The following KMT2D variants were observed in gnomAD, a reference collection of about 807,000 sequenced individuals.
KMT2D encodes lysine methyltransferase 2D.
A neutral mutation model predicts 512.7 loss-of-function variants in KMT2D; 55 were observed. The ratio of observed to expected loss-of-function variants is 0.11; its 90% CI spans 0.09 to 0.13. The LOEUF is 0.13. KMT2D is among the 10% of genes least tolerant of loss of function. The pLI, the probability that KMT2D is intolerant of heterozygous loss-of-function variation, is 1.00. For synonymous variants in KMT2D, 2,995 were observed against 2,904.0 expected (o/e 1.03, Z -1.01); for missense variants, 6,061 against 7,127.9 (o/e 0.85, Z 5.39).
Position 49,031,269 on chromosome 12 carries a change from C to G in KMT2D, c.13436G>C (p.Gly4479Ala). The G allele has an allele frequency of 6.2e-7, 1 of 1,613,440 alleles. No homozygotes were observed. Among genetic ancestry groups the G allele is most frequent in the Non-Finnish European group, 8.5e-7 (1 of 1,179,876 alleles). ...GATCTCAGCTCGCAGCCCCTCGGAC[C>G]CCCGCCCAGTGCTGAGTTGCACATT... ...AKNVQLSTGR[G>A]SEGLRAEING... Residue 4479 changes from glycine to alanine, a missense_variant, in exon 40 of 55, where the codon GGG becomes GCG. Physicochemically the swap from Gly to Ala is moderately conservative, Grantham distance 60 (BLOSUM62 0). Coordinates refer to ENST00000301067, the MANE Select transcript of KMT2D (RefSeq NM_003482.4).
In KMT2D at chr12:49,021,889, G is replaced by A; in HGVS notation, c.16522-17C>T. The A allele has an allele frequency of 1.2e-6, 2 of 1,608,058 alleles. No homozygotes were observed. The highest frequency in any genetic ancestry group is 1.7e-6 in the Non-Finnish European group (2 of 1,174,472). On this transcript the variant is annotated splice_polypyrimidine_tract_variant and intron_variant, in intron 54 of 54. Coordinates refer to ENST00000301067, the MANE Select transcript of KMT2D (RefSeq NM_003482.4). ...ATAGGTTAGCTGAAAAGAGAAGAGG[G>A]CAGAATCAATGCTAGTCCCCCACAG...
rs2120437757 is a variant in KMT2D, at chr12:49,033,011, C to T, written c.11694G>A (p.Gln3898=). The T allele has an allele frequency of 6.4e-7, 1 of 1,551,420 alleles. No individual in the cohort carries two copies. Among genetic ancestry groups the T allele is most frequent in the Admixed American group, 2.0e-5 (1 of 51,006 alleles). ...GCAGCTGCTGCTGCTGCTGAAGCTGCTGTAAAGAGCCCATGGGCTGAGCGC... is the reference window on the plus strand; with the variant it reads ...GCAGCTGCTGCTGCTGCTGAAGCTGTTGTAAAGAGCCCATGGGCTGAGCGC... ...KLSAQPMGSL[Q]QLQQQQQLQQ... is the part of the protein sequence containing the mutation. The change falls in exon 40 of 55, where the codon CAG becomes CAA. Residue 3898 remains glutamine, a synonymous_variant. Coordinates refer to ENST00000301067, the MANE Select transcript of KMT2D (RefSeq NM_003482.4).
intron 35 of KMT2D, 103 bp from the exon 36 acceptor site, chr12:49,035,038 A>C: frequency 1.4e-6 from 2 of 1,415,512 alleles, no homozygotes; most frequent in Non-Finnish European, 1.9e-6. Flanking sequence ...CAGGCAGAAC[A>C]ATGGCACGGC....
chr12:49,030,465 T>A, intron 42 of KMT2D, 26 bp from the exon 43 acceptor site: 1 of 1,117,038 alleles, frequency 9.0e-7, no homozygotes, highest in South Asian at 1.3e-5. Flanking sequence ...TGGGGTGTTG[T>A]GTGCAAGATG....
In KMT2D at chr12:49,053,071, G is replaced by A. The variant is rs780376463; in HGVS notation, c.956C>T (p.Ala319Val). 40 of 1,613,894 alleles carry A rather than the reference G, an allele frequency of 2.5e-5. No homozygotes were observed. In the South Asian group the frequency reaches 3.6e-4, roughly 15 times the overall value. The change falls in exon 9 of 55, where the codon GCG becomes GTG. Residue 319 changes from alanine to valine, a missense_variant and splice_region_variant. This residue lies in a region of KMT2D where 160 missense variants were observed against 225.8 expected (regional missense o/e 0.71). Coordinates refer to ENST00000301067, the MANE Select transcript of KMT2D (RefSeq NM_003482.4). ...ELPAHSWKCK[A>V]CRVCRACGAG... The stretch of plus-strand genomic sequence containing the variant: ...CCCACAGGCCCGGCACACCCGGCAC[G>A]CCTAAGGGAAGGGAGTGGGCAAAAC...
In KMT2D at chr12:49,042,530, C is replaced by G. The variant is rs2120555983; in HGVS notation, c.5867+31G>C. On this transcript the variant is annotated intron_variant, in intron 28 of 54. Transcript: ENST00000301067. This position sits in a 1 kb window ranked among gnomAD's most constrained non-coding sequence, Gnocchi z 4.4. ...AGATGGAGGGAAAGGACAACGAGGA[C>G]TGCCCACAAAGGTTACGCAGAGACA... 6.2e-7 allele frequency: 1 copy of G among 1,607,062 alleles called. No homozygotes were observed. Among genetic ancestry groups the G allele is most frequent in the South Asian group, 1.1e-5 (1 of 90,618 alleles).
rs566282861 is a variant in KMT2D, at chr12:49,027,245, C to T, written c.14721G>A (p.Ser4907=). The T allele has an allele frequency of 7.1e-6, 11 of 1,551,720 alleles. No individual in the cohort carries two copies. The East Asian group carries it at 1.3e-4, about 19-fold the overall frequency. ...GGGAGGGTTCTTCAGGAGGTGGGGCCGAGAGCTGTCGCACATCCAGATTGG... is the reference window on the plus strand; with the variant it reads ...GGGAGGGTTCTTCAGGAGGTGGGGCTGAGAGCTGTCGCACATCCAGATTGG... ...NVSNLDVRQL[S]APPPEEPSPP... is the part of the protein sequence containing the mutation. The change falls in exon 49 of 55, where the codon TCG becomes TCA. Residue 4907 remains serine (S), a synonymous_variant. Coordinates refer to ENST00000301067, the MANE Select transcript of KMT2D (RefSeq NM_003482.4).
intron 51 of KMT2D, among the ~76,000 whole-genome samples, chr12:49,023,217 G>A (rs1942412307): frequency 1.3e-5 from 2 of 152,136 alleles, no homozygotes; most frequent in South Asian, 4.1e-4. Flanking sequence ...CCATTCTCAA[G>A]GCCATGCTCC....
In KMT2D at chr12:49,040,670, T is replaced by G. The variant is rs1384193465; in HGVS notation, c.7100A>C (p.Asp2367Ala). 6.2e-7 allele frequency: 1 copy of G among 1,613,452 alleles called. No individual in the cohort carries two copies. The highest frequency in any genetic ancestry group is 2.2e-5 in the East Asian group (1 of 44,858). ...ALAPSPPSHP[D>A]IFRPGSYTDP... ...AGTGTAGGAGCCAGGGCGAAAGATG[T>G]CTGGGTGACTTGGAGGAGAAGGTGC... Residue 2367 changes from aspartate (D) to alanine (A), a missense_variant, in exon 32 of 55, where the codon GAC (aspartate) becomes GCC (alanine). Asp to Ala is a moderately radical substitution (Grantham distance 126). Around this residue, in one of 16 missense-constraint regions of KMT2D, gnomAD observed 710 missense variants for 647.3 expected, o/e 1.10. Transcript: ENST00000301067.
At position 49,043,170 on chromosome 12, in the gene KMT2D, G is replaced by A. The variant is rs772395548; in HGVS notation, c.5550C>T (p.Gly1850=). The change falls in exon 26 of 55, where the codon GGC becomes GGT. Residue 1850 remains glycine, a synonymous_variant. Coordinates refer to ENST00000301067, the MANE Select transcript of KMT2D (RefSeq NM_003482.4). ...CACTGGGCACTGGGGATGCCTTCACGCCCCCATCCTCAGGTCCTGTAAATG... is the reference window on the plus strand; with the variant it reads ...CACTGGGCACTGGGGATGCCTTCACACCCCCATCCTCAGGTCCTGTAAATG... ...KADTPGPEDG[G]VKASPVPSDP... is the part of the protein sequence containing the mutation. The A allele has an allele frequency of 8.7e-6, 14 of 1,613,704 alleles. No homozygotes were observed. The highest frequency in any genetic ancestry group is 2.2e-5 in the East Asian group (1 of 44,886).
rs1350729975 is a variant in KMT2D at position 49,053,468 on chromosome 12, A to G, written c.839+8T>C. ...CCTAAGACTTTCCTCCTGCCCTTCCATTCCTACCTGCAGGCTTGGCACACT... is the reference window on the plus strand; with the variant it reads ...CCTAAGACTTTCCTCCTGCCCTTCCGTTCCTACCTGCAGGCTTGGCACACT... On this transcript the variant is annotated splice_region_variant and intron_variant, in intron 7 of 54. Coordinates refer to ENST00000301067, the MANE Select transcript of KMT2D (RefSeq NM_003482.4). 1 of 1,611,258 alleles carries G rather than the reference A, an allele frequency of 6.2e-7. No homozygotes were observed. Among genetic ancestry groups the G allele is most frequent in the Non-Finnish European group, 8.5e-7 (1 of 1,178,442 alleles).
rs1184465070 is a variant in KMT2D, at chr12:49,026,913, G to A, written c.15053C>T (p.Thr5018Ile). The A allele has an allele frequency of 5.6e-6, 9 of 1,613,892 alleles. No individual in the cohort carries two copies. Among genetic ancestry groups the A allele is most frequent in the Non-Finnish European group, 7.6e-6 (9 of 1,179,912 alleles). The change falls in exon 49 of 55, where the codon ACA becomes ATA. Residue 5018 changes from threonine to isoleucine, a missense_variant. Thr to Ile is a moderately conservative substitution (Grantham distance 89, BLOSUM62 -1). Around this residue, in one of 16 missense-constraint regions of KMT2D, gnomAD observed 1,600 missense variants for 1,754.9 expected, o/e 0.91. Transcript: ENST00000301067. The surrounding 1 kb of genome is among the most constrained non-coding windows in gnomAD (Gnocchi z 9.6). Reference sequence around the variant, plus strand: ...CGGTACCTTGTCAGGTCGCAAGGCTGTGCCAAGCTGCTCCATAAACTCTGC... The same window carrying A: ...CGGTACCTTGTCAGGTCGCAAGGCTATGCCAAGCTGCTCCATAAACTCTGC... ...EVAEFMEQLG[T>I]ALRPDKVPRD...
At position 49,054,926 on chromosome 12, in the gene KMT2D, C is replaced by T; in HGVS notation, c.150G>A (p.Arg50=). The T allele has an allele frequency of 6.2e-7, 1 of 1,614,026 alleles. No individual in the cohort carries two copies. Among genetic ancestry groups the T allele is most frequent in the South Asian group, 1.1e-5 (1 of 91,086 alleles). ...TGCAGTCCTGAGGAGTCTCCTGAAG[C>T]CTGGGACTCCCAGAACTAAGGACAG... The part of the protein sequence containing the change: ...EVSVLSSGSP[R]LQETPQDCSG... The change falls in exon 3 of 55, where the codon AGG becomes AGA. Residue 50 remains arginine (R), a synonymous_variant. Coordinates refer to ENST00000301067, the MANE Select transcript of KMT2D (RefSeq NM_003482.4). The surrounding 1 kb of genome is among the most constrained non-coding windows in gnomAD (Gnocchi z 6.4).
At position 49,048,088 on chromosome 12, in the gene KMT2D, A is replaced by T. The variant is rs1265253414; in HGVS notation, c.4132-19T>A. The T allele has an allele frequency of 2.0e-6, 3 of 1,538,208 alleles. No individual in the cohort carries two copies. Among genetic ancestry groups the T allele is most frequent in the East Asian group, 4.6e-5 (2 of 43,870 alleles). The stretch of plus-strand genomic sequence containing the variant: ...ACATGTCCTGGGGAAACACAGAGAA[A>T]CCCAAATGTCCAACTAGATCTCCCC... On this transcript the variant is annotated intron_variant, in intron 14 of 54. Transcript: ENST00000301067.
In KMT2D at chr12:49,040,063, G is replaced by A. The variant is rs2120521643; in HGVS notation, c.7707C>T (p.Gly2569=). ...PHGINSHFGP[G]PTLGKPQSTN... ...TGCTTTGAGGCTTGCCCAAGGTGGG[G>A]CCGGGCCCAAAATGGCTGTTGATCC... Residue 2569 remains glycine, a synonymous_variant, in exon 32 of 55, where the codon GGC becomes GGT. Coordinates refer to ENST00000301067, the MANE Select transcript of KMT2D (RefSeq NM_003482.4). 1 of 1,613,952 alleles carries A rather than the reference G, an allele frequency of 6.2e-7. No individual in the cohort carries two copies. The highest frequency in any genetic ancestry group is 8.5e-7 in the Non-Finnish European group (1 of 1,179,850).
At position 49,042,196 on chromosome 12, in the gene KMT2D, C is replaced by T. The variant is rs2120553637; in HGVS notation, c.6002G>A (p.Arg2001Gln). Residue 2001 changes from arginine (R) to glutamine (Q), a missense_variant, in exon 29 of 55, where the codon CGG (arginine) becomes CAG (glutamine). Coordinates refer to ENST00000301067, the MANE Select transcript of KMT2D (RefSeq NM_003482.4). The surrounding 1 kb of genome is among the most constrained non-coding windows in gnomAD (Gnocchi z 4.4). ...ATCCTTCTCCCAGCGCTGAAGACTCCGCTGGTTATAGGAGAGTCCGTCGCC... is the reference window on the plus strand; with the variant it reads ...ATCCTTCTCCCAGCGCTGAAGACTCTGCTGGTTATAGGAGAGTCCGTCGCC... ...GEGDGLSYNQ[R>Q]SLQRWEKDEE... 6.2e-7 allele frequency: 1 copy of T among 1,609,494 alleles called. No individual in the cohort carries two copies. The highest frequency in any genetic ancestry group is 1.3e-5 in the African/African-American group (1 of 74,962).
In KMT2D at chr12:49,054,760, A is replaced by G. The variant is rs1938305021; in HGVS notation, c.177-9T>C. Reference sequence around the variant, plus strand: ...GCCGCACCGGACCCCCACTGTGGACACACAAGCATCAGTACCACGCCAGGC... The same window carrying G: ...GCCGCACCGGACCCCCACTGTGGACGCACAAGCATCAGTACCACGCCAGGC... On this transcript the variant is annotated splice_polypyrimidine_tract_variant and intron_variant, in intron 3 of 54. Coordinates refer to ENST00000301067, the MANE Select transcript of KMT2D (RefSeq NM_003482.4). This position sits in a 1 kb window ranked among gnomAD's most constrained non-coding sequence, Gnocchi z 6.4. 1 of 1,613,680 alleles carries G rather than the reference A, an allele frequency of 6.2e-7. No homozygotes were observed. The highest frequency in any genetic ancestry group is 8.5e-7 in the Non-Finnish European group (1 of 1,179,718).
chr12:49,043,403 A>T lies in KMT2D; in HGVS notation c.5493T>A (p.Asp1831Glu), dbSNP rs908673499. 4.3e-6 allele frequency: 7 copies of T among 1,613,860 alleles called. No individual in the cohort carries two copies. The highest frequency in any genetic ancestry group is 1.3e-5 in the African/African-American group (1 of 74,908). ...QKGDDGPDIADEESRGLEGKA... is the reference protein window; with the variant it reads ...QKGDDGPDIAEEESRGLEGKA... ...TGCCCTCGAGGCCACGGGATTCTTCATCTGCAATATCTGGACCATCATCTC... is the reference window on the plus strand; with the variant it reads ...TGCCCTCGAGGCCACGGGATTCTTCTTCTGCAATATCTGGACCATCATCTC... The change falls in exon 25 of 55, where the codon GAT becomes GAA. Residue 1831 changes from aspartate to glutamate, a missense_variant. Around this residue, in one of 16 missense-constraint regions of KMT2D, gnomAD observed 640 missense variants for 814.3 expected, o/e 0.79. Transcript: ENST00000301067.
At position 49,043,415 on chromosome 12, in the gene KMT2D, T is replaced by C. The variant is rs761855837; in HGVS notation, c.5481A>G (p.Pro1827=). ...CACGGGATTCTTCATCTGCAATATC[T>C]GGACCATCATCTCCTATGAGCAAGA... ...LPTSQKGDDG[P]DIADEESRGL... The change falls in exon 25 of 55, where the codon CCA becomes CCG. Residue 1827 remains proline (P), a synonymous_variant. Coordinates refer to ENST00000301067, the MANE Select transcript of KMT2D (RefSeq NM_003482.4). 3.1e-6 allele frequency: 5 copies of C among 1,613,964 alleles called. No homozygotes were observed. In the East Asian group the frequency reaches 1.1e-4, roughly 36 times the overall value.
Sources: allele counts gnomAD v4.1 joint callset (sites outside exome capture counted in the v4.1 genomes callset), GRCh38; gene constraint gnomAD v4.1.1; regional missense constraint gnomAD v4.1.1; non-coding constraint Gnocchi (gnomAD v3.1); transcripts MANE v1.5; gene names NCBI Gene and HGNC (gene_info 2026-07-23, HGNC 2026-07-21).